CADPS2: variants seen among roughly 807,000 people sequenced by gnomAD.
CADPS2 encodes calcium dependent secretion activator 2.
A neutral mutation model predicts 172.5 loss-of-function variants in CADPS2; 93 were observed. That is an observed-to-expected ratio of 0.54 (90% CI 0.46 to 0.64). The LOEUF (loss-of-function observed/expected upper bound fraction) is 0.64, where lower values mean the gene tolerates loss of function less well. Among genes scored for constraint, CADPS2 ranks in the 30% least tolerant of loss-of-function variants. The probability of loss-of-function intolerance (pLI) is 0.00; values close to 1 mark genes in which losing one functional copy is unlikely to be tolerated. For synonymous variants in CADPS2, 546 were observed against 555.2 expected, an observed-to-expected ratio of 0.98 and a Z score of 0.23; for missense variants, 1,420 against 1,565.9, an observed-to-expected ratio of 0.91 and a Z score of 1.57.
intron 2 of CADPS2, chr7:122,699,246 C>T (rs1021804137): frequency 4.7e-6 from 1 of 211,992 alleles, no homozygotes; most frequent in Non-Finnish European, 9.5e-6. Context: ...GGCTTAAATG[C>T]TGTTATGGGT....
At chr7:122,755,173 T>C (rs2093107573) in intron 1 of CADPS2, among the ~76,000 whole-genome samples, 1 of 152,204 alleles carries the variant, frequency 6.6e-6, no homozygotes, top group African/African-American at 2.4e-5. Flanking sequence ...TATATTCTAA[T>C]GATTCTTTCC....
intron 3 of CADPS2, among the ~76,000 whole-genome samples, chr7:122,631,580 G>GT (rs768370703): frequency 3.3e-5 from 5 of 151,640 alleles, no homozygotes; most frequent in Admixed American, 6.6e-5. Flanking sequence ...CACCTGGTCT[G>GT]TTTTTTTAAA....
chr7:122,793,339 G>C (rs79957936), intron 1 of CADPS2, among the ~76,000 whole-genome samples: 2 of 152,274 alleles, frequency 1.3e-5, no homozygotes, highest in Admixed American at 1.3e-4. Context: ...ATTTAAGATA[G>C]TGAGAGCTTC....
intron 15 of CADPS2, among the ~76,000 whole-genome samples, chr7:122,442,844 T>C (rs756471770): frequency 1.3e-4 from 20 of 152,172 alleles, no homozygotes; most frequent in Admixed American, 5.9e-4. Context: ...ATGTCCTTTC[T>C]TAATCTTGCT....
At chr7:122,528,863 G>T (rs1229085257) in intron 8 of CADPS2, among the ~76,000 whole-genome samples, 1 of 151,950 alleles carries the variant, frequency 6.6e-6, no homozygotes, top group Non-Finnish European at 1.5e-5. Context: ...ATATTAATTT[G>T]ATACTTTCTT....
intron 1 of CADPS2, among the ~76,000 whole-genome samples, chr7:122,787,925 T>C (rs1794418665): frequency 6.6e-6 from 1 of 152,170 alleles, no homozygotes; most frequent in Admixed American, 6.5e-5. Flanking sequence ...GAAAGGCTTT[T>C]AGGCAGTATT....
intron 1 of CADPS2, among the ~76,000 whole-genome samples, chr7:122,778,557 A>C (rs1414863877): frequency 6.6e-6 from 1 of 152,056 alleles, no homozygotes; most frequent in East Asian, 1.9e-4. Flanking sequence ...GAAGGAAAAA[A>C]TGGTTTTGTG....
intron 1 of CADPS2, among the ~76,000 whole-genome samples, chr7:122,752,580 C>T (rs563419095): frequency 6.6e-6 from 1 of 152,210 alleles, no homozygotes; most frequent in South Asian, 2.1e-4. Context: ...TTTTACATAA[C>T]CCAAAGACAT....
intron 2 of CADPS2, among the ~76,000 whole-genome samples, chr7:122,664,505 T>G (rs2135408334): frequency 6.6e-6 from 1 of 152,292 alleles, no homozygotes; most frequent in Non-Finnish European, 1.5e-5. Flanking sequence ...ATAAGTACAG[T>G]AATAAGGTCA....
chr7:122,663,184 A>C, intron 3 of CADPS2, 53 bp downstream of exon 3: 1 of 1,291,406 alleles, frequency 7.7e-7, no homozygotes, highest in Admixed American at 2.1e-5. Flanking sequence ...TAAATACTTC[A>C]TGTTCATTCC....
rs575285483 is a variant in CADPS2 at position 122,495,409 on chromosome 7, G to A, written c.1543-3989C>T. 1.8e-3 allele frequency among the ~76,000 whole-genome samples: 274 copies of A among 152,170 alleles called. 2 individuals carry two copies. Among genetic ancestry groups the A allele is most frequent in the African/African-American group, 6.2e-3 (258 of 41,516 alleles). The stretch of plus-strand genomic sequence containing the variant: ...ATACAAGAAAATCGATAAACATCAA[G>A]TACTTTTTGCATGTTTCCAAACTTC... On this transcript the variant is annotated intron_variant, in intron 9 of 29. Coordinates refer to ENST00000449022, the MANE Select transcript of CADPS2 (RefSeq NM_017954.11).
intron 28 of CADPS2, among the ~76,000 whole-genome samples, chr7:122,334,221 C>T (rs182809198): frequency 6.6e-6 from 1 of 152,290 alleles, no homozygotes; most frequent in East Asian, 1.9e-4. Context: ...CACACACTCA[C>T]TCACAAAGCT....
intron 1 of CADPS2, 82 bp downstream of exon 1, chr7:122,885,917 G>C (rs976382234): frequency 2.7e-6 from 4 of 1,468,418 alleles, no homozygotes; most frequent in South Asian, 1.2e-5. Flanking sequence ...TTTCGCAGAA[G>C]GACGGGAGGC....
intron 1 of CADPS2, among the ~76,000 whole-genome samples, chr7:122,803,974 G>GA (rs869246600): frequency 0.099 from 8,370 of 84,632 alleles, 419 homozygotes; most frequent in Middle Eastern, 0.16. Flanking sequence ...GGCTTGAATG[G>GA]AAAAAAAAAA....
At chr7:122,593,444 C>A (rs1195804079) in intron 6 of CADPS2, among the ~76,000 whole-genome samples, 1 of 151,960 alleles carries the variant, frequency 6.6e-6, no homozygotes, top group Admixed American at 6.6e-5. Context: ...TGGAAACCAC[C>A]AATAAGTGAA....
At chr7:122,479,095 T>A (rs973164476) in intron 12 of CADPS2, among the ~76,000 whole-genome samples, 2 of 152,150 alleles carry the variant, frequency 1.3e-5, no homozygotes, top group Non-Finnish European at 2.9e-5. Flanking sequence ...AGGAGGCCAT[T>A]TTTTAGCATT....
intron 1 of CADPS2, among the ~76,000 whole-genome samples, chr7:122,825,488 A>G (rs1804622843): frequency 6.6e-6 from 1 of 152,182 alleles, no homozygotes; most frequent in South Asian, 2.1e-4. Flanking sequence ...AAAAACAACA[A>G]CAAAAAAAGG....
chr7:122,496,855 G>A (rs2058773326), intron 9 of CADPS2, among the ~76,000 whole-genome samples: 1 of 152,020 alleles, frequency 6.6e-6, no homozygotes, highest in Non-Finnish European at 1.5e-5. Context: ...TTTACTAATT[G>A]TCAAATATTC....
chr7:122,651,817 A>C (rs143797238), intron 3 of CADPS2, among the ~76,000 whole-genome samples: 9 of 152,332 alleles, frequency 5.9e-5, no homozygotes, highest in Admixed American at 2.0e-4. Context: ...TCATTTTAAG[A>C]GACAAATATA....
Sources: gnomAD v4.1 joint callset for allele counts (sites outside exome capture counted in the v4.1 genomes callset) on GRCh38, gnomAD v4.1.1 for gene constraint, MANE v1.5 for transcripts, NCBI Gene and HGNC (gene_info 2026-07-23, HGNC 2026-07-21) for gene names.